The following TSPAN9 variants were observed in gnomAD, a reference collection of about 807,000 sequenced individuals.
TSPAN9 encodes the protein tetraspanin-9.
In TSPAN9, 16 loss-of-function variants were observed where a neutral mutation model predicts 31.0. The observed-to-expected ratio is 0.52, with a 90% CI of 0.35 to 0.78. TSPAN9 has a LOEUF of 0.78. Among genes scored for constraint, TSPAN9 ranks in the 30% least tolerant of loss-of-function variants. TSPAN9 has a pLI of 0.01. For synonymous variants in TSPAN9, 145 were observed against 121.6 expected, an observed-to-expected ratio of 1.19 and a Z score of -1.27; for missense variants, 272 against 312.5, an observed-to-expected ratio of 0.87 and a Z score of 0.98.
At chr12:3,266,228 C>G (rs577760658) in intron 3 of TSPAN9, among the ~76,000 whole-genome samples, 24 of 152,174 alleles carry the variant, frequency 1.6e-4, no homozygotes, top group Admixed American at 3.9e-4. Context: ...ATCCCAGCAG[C>G]AGGAGGTGGT....
chr12:3,224,177 T>G (rs1005892546), intron 3 of TSPAN9, among the ~76,000 whole-genome samples: 1 of 152,178 alleles, frequency 6.6e-6, no homozygotes, highest in African/African-American at 2.4e-5. Flanking sequence ...CTCCTTCTTT[T>G]GTTAGCTGAG....
intron 3 of TSPAN9, among the ~76,000 whole-genome samples, chr12:3,223,262 A>C (rs1416290934): frequency 6.6e-6 from 1 of 152,196 alleles, no homozygotes; most frequent in Non-Finnish European, 1.5e-5. Flanking sequence ...AAACACGTCC[A>C]ATTACAGTGA....
intron 2 of TSPAN9, among the ~76,000 whole-genome samples, chr12:3,151,920 C>T (rs1000504030): frequency 4.8e-5 from 7 of 146,986 alleles, no homozygotes; most frequent in Non-Finnish European, 1.1e-4. Context: ...GAGACTCCAC[C>T]TCAAAAAAAA....
At chr12:3,211,620 G>A (rs1222126510) in intron 3 of TSPAN9, 2 of 1,060,098 alleles carry the variant, frequency 1.9e-6, no homozygotes, top group Non-Finnish European at 2.7e-6. Context: ...TCCAAAATGT[G>A]TTTATTGAGA....
intron 3 of TSPAN9, among the ~76,000 whole-genome samples, chr12:3,260,151 C>T (rs904331589): frequency 2.0e-5 from 3 of 152,222 alleles, no homozygotes; most frequent in East Asian, 3.8e-4. Context: ...CCACTCCGCT[C>T]AACGGGAGTC....
At position 3,282,730 on chromosome 12, in the gene TSPAN9, C is replaced by T. The variant is rs11062602; in HGVS notation, c.649-315C>T. ...CCACCTTGGCTCCTGTGAGCCCCCA[C>T]GTAGAGCCAGGTCCTCCGTGCATTC... On this transcript the variant is annotated intron_variant, in intron 8 of 8. Transcript: ENST00000011898. Among the ~76,000 whole-genome samples, 1,429 of 152,318 alleles carry T rather than the reference C, an allele frequency of 9.4e-3. 28 individuals carry two copies. The highest frequency in any genetic ancestry group is 0.033 in the African/African-American group (1,368 of 41,564).
At chr12:3,243,335 A>G (rs2098397606) in intron 3 of TSPAN9, among the ~76,000 whole-genome samples, 1 of 152,048 alleles carries the variant, frequency 6.6e-6, no homozygotes, top group South Asian at 2.1e-4. Flanking sequence ...TTACCACCTC[A>G]TTGAATTCCT....
At chr12:3,278,296 T>C in intron 3 of TSPAN9, 125 bp from the exon 4 acceptor site, 5 of 1,384,590 alleles carry the variant, frequency 3.6e-6, no homozygotes, top group Non-Finnish European at 3.0e-6. Flanking sequence ...GGTAGTCCCG[T>C]TCTCACCTTG....
intron 3 of TSPAN9, among the ~76,000 whole-genome samples, chr12:3,232,314 T>C (rs931281068): frequency 1.3e-5 from 2 of 152,096 alleles, no homozygotes; most frequent in Non-Finnish European, 2.9e-5. Flanking sequence ...TTTTTAAGAA[T>C]GCTTCCAATA....
rs150185733 is a variant in TSPAN9 at position 3,213,544 on chromosome 12, G to A, written c.63+12288G>A. ...TCAGGAGAGAGCAAGGGTGGAGGGAGGAATGCTGATGTGGTACTGAGTGCA... is the reference window on the plus strand; with the variant it reads ...TCAGGAGAGAGCAAGGGTGGAGGGAAGAATGCTGATGTGGTACTGAGTGCA... On this transcript the variant is annotated intron_variant, in intron 3 of 8. Transcript: ENST00000011898. 3.0e-3 allele frequency among the ~76,000 whole-genome samples: 459 copies of A among 152,282 alleles called. 2 individuals carry two copies. The highest frequency in any genetic ancestry group is 0.01 in the Middle Eastern group (3 of 294).
chr12:3,086,047 A>C (rs1230427699), intron 2 of TSPAN9, among the ~76,000 whole-genome samples: 1 of 152,208 alleles, frequency 6.6e-6, no homozygotes, highest in Admixed American at 6.5e-5. Flanking sequence ...TGCCTGAGGC[A>C]GTGAGGAGTA....
intron 3 of TSPAN9, among the ~76,000 whole-genome samples, chr12:3,202,673 T>G (rs1412089765): frequency 6.6e-6 from 1 of 152,098 alleles, no homozygotes; most frequent in East Asian, 1.9e-4. Context: ...TCTTCTCTCT[T>G]GGGGAGAGAA....
chr12:3,201,044 G>A, intron 2 of TSPAN9, 133 bp from the exon 3 acceptor site: 1 of 767,098 alleles, frequency 1.3e-6, no homozygotes, highest in South Asian at 1.8e-5. Flanking sequence ...CACGGCCGGC[G>A]CCTTCTACGG....
At chr12:3,186,555 TGTG>T (rs2098361490) in intron 2 of TSPAN9, among the ~76,000 whole-genome samples, 1 of 150,126 alleles carries the variant, frequency 6.7e-6, no homozygotes, top group African/African-American at 2.5e-5. Context: ...TTTGTGTGTG[TGTG>T]TGTGTGTGTG....
At chr12:3,077,944 G>T (rs780771163) in intron 1 of TSPAN9, among the ~76,000 whole-genome samples, 4 of 152,150 alleles carry the variant, frequency 2.6e-5, no homozygotes, top group Non-Finnish European at 4.4e-5. Flanking sequence ...ACAGGACTCT[G>T]GCACATCCCG....
At chr12:3,096,041 C>T (rs1215046549) in intron 2 of TSPAN9, among the ~76,000 whole-genome samples, 1 of 145,674 alleles carries the variant, frequency 6.9e-6, no homozygotes, top group Non-Finnish European at 1.5e-5. Context: ...GCCGCTGCCT[C>T]CCGGGCGGCG....
intron 2 of TSPAN9, among the ~76,000 whole-genome samples, chr12:3,138,945 C>T (rs529615490): frequency 2.4e-4 from 37 of 152,296 alleles, no homozygotes; most frequent in Non-Finnish European, 4.3e-4. Context: ...TCCAGGCAGG[C>T]GGAAAGCTGT....
At chr12:3,252,195 G>C (rs1862255653) in intron 3 of TSPAN9, among the ~76,000 whole-genome samples, 1 of 152,200 alleles carries the variant, frequency 6.6e-6, no homozygotes, top group South Asian at 2.1e-4. Context: ...TCTAAGACCA[G>C]ACGCCTCTAG....
intron 2 of TSPAN9, among the ~76,000 whole-genome samples, chr12:3,191,093 AG>A (rs1288567608): frequency 6.6e-6 from 1 of 151,036 alleles, no homozygotes; most frequent in Admixed American, 6.6e-5. Context: ...TGTGGGGGAA[AG>A]GGGGTTTCAG....
Sources: allele counts gnomAD v4.1 joint callset (sites outside exome capture counted in the v4.1 genomes callset), GRCh38; gene constraint gnomAD v4.1.1; transcripts MANE v1.5; gene names NCBI Gene and HGNC (gene_info 2026-07-23, HGNC 2026-07-21).